ST6GAL1: variants seen among roughly 807,000 people sequenced by gnomAD.
The protein encoded by ST6GAL1 is beta-galactoside alpha-2,6-sialyltransferase 1.
A neutral mutation model predicts 38.0 loss-of-function variants in ST6GAL1; 20 were observed. That is an observed-to-expected ratio of 0.53 (90% CI 0.37 to 0.77). The LOEUF (loss-of-function observed/expected upper bound fraction) is 0.77. Ranked by LOEUF, ST6GAL1 falls within the 30% of genes least tolerant of loss-of-function variation. The pLI, the probability that ST6GAL1 is intolerant of heterozygous loss-of-function variation, is 0.00. For synonymous variants in ST6GAL1, 196 were observed against 188.2 expected, an observed-to-expected ratio of 1.04 and a Z score of -0.34; for missense variants, 432 against 496.4, an observed-to-expected ratio of 0.87 and a Z score of 1.23.
intron 1 of ST6GAL1, among the ~76,000 whole-genome samples, chr3:186,949,636 G>A (rs1413066939): frequency 6.6e-6 from 1 of 152,168 alleles, no homozygotes; most frequent in Admixed American, 6.6e-5. Context: ...CAGTAGGAGG[G>A]CTTGGAGGCA....
At chr3:187,064,244 A>G (rs888108718) in intron 5 of ST6GAL1, among the ~76,000 whole-genome samples, 13 of 152,256 alleles carry the variant, frequency 8.5e-5, no homozygotes, top group African/African-American at 2.7e-4. Flanking sequence ...CCAGGCAGAT[A>G]TTACAACTGG....
At chr3:186,951,068 T>C (rs1293669196) in intron 1 of ST6GAL1, among the ~76,000 whole-genome samples, 1 of 152,210 alleles carries the variant, frequency 6.6e-6, no homozygotes, top group Non-Finnish European at 1.5e-5. Flanking sequence ...ACTCTAATTC[T>C]TTTTTGTTTA....
chr3:187,004,364 A>C (rs561436598), intron 2 of ST6GAL1, among the ~76,000 whole-genome samples: 29 of 152,272 alleles, frequency 1.9e-4, no homozygotes, highest in Non-Finnish European at 4.0e-4. Flanking sequence ...ATGACTAGCA[A>C]GTGGCAGAGC....
At chr3:187,053,696 C>T (rs1718591550) in intron 5 of ST6GAL1, among the ~76,000 whole-genome samples, 1 of 152,198 alleles carries the variant, frequency 6.6e-6, no homozygotes, top group Non-Finnish European at 1.5e-5. Context: ...GTTTCGGTTA[C>T]TGTAGCCTTA....
chr3:187,051,855 G>C (rs956799112), intron 5 of ST6GAL1, among the ~76,000 whole-genome samples: 8 of 152,114 alleles, frequency 5.3e-5, no homozygotes, highest in African/African-American at 1.9e-4. Flanking sequence ...TTTTCAGGTA[G>C]CACATGCCGA....
chr3:187,074,100 G>A (rs1007271550), intron 6 of ST6GAL1, 59 bp from the exon 7 acceptor site: 42 of 1,481,226 alleles, frequency 2.8e-5, no homozygotes, highest in South Asian at 6.8e-5. Flanking sequence ...GATGACTCCT[G>A]GGGGGAGCAG....
At chr3:186,948,149 G>A (rs1440372896) in intron 1 of ST6GAL1, among the ~76,000 whole-genome samples, 2 of 152,198 alleles carry the variant, frequency 1.3e-5, no homozygotes, top group African/African-American at 4.8e-5. Context: ...CGTCGGGATG[G>A]CTGTCAACAG....
chr3:187,006,315 A>G (rs1475229483), intron 2 of ST6GAL1: 1 of 152,126 alleles, frequency 6.6e-6, no homozygotes, highest in African/African-American at 2.4e-5. Context: ...ACCTCATGTA[A>G]TCATGTCCCC....
In ST6GAL1 at chr3:187,065,722, C is replaced by A. The variant is rs140994236; in HGVS notation, c.706-7127C>A. 2.0e-5 allele frequency among the ~76,000 whole-genome samples: 3 copies of A among 152,292 alleles called. No homozygotes were observed. The East Asian group carries it at 5.8e-4, about 29-fold the overall frequency. On this transcript the variant is annotated intron_variant, in intron 5 of 7. Transcript: ENST00000169298. ...TACTTCCTATATGCCTAGCAACAGT[C>A]CACACTGACTGGACTGCAACCAGGA...
intron 2 of ST6GAL1, among the ~76,000 whole-genome samples, chr3:186,964,685 G>A (rs1715042563): frequency 6.6e-6 from 1 of 152,120 alleles, no homozygotes; most frequent in Non-Finnish European, 1.5e-5. Context: ...TGTTAAAAAC[G>A]ATTAAAAACA....
At chr3:187,000,633 T>C (rs1716586908) in intron 2 of ST6GAL1, among the ~76,000 whole-genome samples, 2 of 152,230 alleles carry the variant, frequency 1.3e-5, no homozygotes, top group Middle Eastern at 6.3e-3. Flanking sequence ...TGTTAATGGC[T>C]TCATAGGCAA....
chr3:186,987,136 A>AAG lies in ST6GAL1; in HGVS notation c.-183+23210_-183+23211insAG, dbSNP rs1464480259. The stretch of plus-strand genomic sequence containing the variant: ...GCAGACTGCATAGGAAAGGAAGGAA[A>AAG]GAAAGAAGGAAGGGAGGGAGGGAGG... On this transcript the variant is annotated intron_variant, in intron 2 of 7. Coordinates refer to ENST00000169298, the MANE Select transcript of ST6GAL1 (RefSeq NM_173216.2). Among the ~76,000 whole-genome samples, 603 of 142,176 alleles carry AAG rather than the reference A, an allele frequency of 4.2e-3. 4 individuals carry two copies. Among genetic ancestry groups the AAG allele is most frequent in the Non-Finnish European group, 6.5e-3 (427 of 65,278 alleles). The allele number at this position is 142,176 out of a possible 152,430, so 93.3% of individuals were successfully genotyped here.
At chr3:187,024,546 A>G (rs377680230) in intron 2 of ST6GAL1, 4 of 151,588 alleles carry the variant, frequency 2.6e-5, no homozygotes, top group South Asian at 4.2e-4. Flanking sequence ...TATTTTAACA[A>G]AAAAAGCCTG....
Position 186,937,006 on chromosome 3 carries a change from A to G in ST6GAL1, c.-325+6172A>G, listed in dbSNP as rs564978915. Among the ~76,000 whole-genome samples, 5 of 152,054 alleles carry G rather than the reference A, an allele frequency of 3.3e-5. No individual in the cohort carries two copies. In the East Asian group the frequency reaches 9.6e-4, roughly 29 times the overall value. ...AGGATAATTTGGAAAGTACTGTACAAAAAAACATAGAGAAACAGAAAAAAA... is the reference window on the plus strand; with the variant it reads ...AGGATAATTTGGAAAGTACTGTACAGAAAAACATAGAGAAACAGAAAAAAA... On this transcript the variant is annotated intron_variant, in intron 1 of 7. Transcript: ENST00000169298.
chr3:187,064,545 C>A (rs1200921344), intron 5 of ST6GAL1: 1 of 456,610 alleles, frequency 2.2e-6, no homozygotes, highest in African/African-American at 2.0e-5. Flanking sequence ...TGTGCCAGGG[C>A]TGCGAGGAAG....
chr3:186,970,589 C>T (rs1391768033), intron 2 of ST6GAL1, among the ~76,000 whole-genome samples: 1 of 149,406 alleles, frequency 6.7e-6, no homozygotes, highest in Non-Finnish European at 1.5e-5. Context: ...ACCCTGCCCC[C>T]ACCTCTGTTT....
At chr3:187,054,032 T>A (rs1404357183) in intron 5 of ST6GAL1, among the ~76,000 whole-genome samples, 1 of 152,190 alleles carries the variant, frequency 6.6e-6, no homozygotes, top group Non-Finnish European at 1.5e-5. Flanking sequence ...GTAAGTTGGA[T>A]GCCTAGGTAT....
Position 186,952,865 on chromosome 3 carries a change from T to TTC in ST6GAL1, c.-324-10917_-324-10916dup, listed in dbSNP as rs1714629601. Among the ~76,000 whole-genome samples the TTC allele has an allele frequency of 6.6e-6, 1 of 152,220 alleles. No homozygotes were observed. The highest frequency in any genetic ancestry group is 1.5e-5 in the Non-Finnish European group (1 of 68,034). ...CAAGCCCAAAATCGAACTGCTGCTT[T>TTC]TCTCCCTAAAAGAGCCATCCTCATT... On this transcript the variant is annotated intron_variant, in intron 1 of 7. Coordinates refer to ENST00000169298, the MANE Select transcript of ST6GAL1 (RefSeq NM_173216.2). The surrounding 1 kb of genome is among the most constrained non-coding windows in gnomAD (Gnocchi z 4.1).
At chr3:187,033,841 GCACC>G (rs1717836752) in intron 2 of ST6GAL1, among the ~76,000 whole-genome samples, 1 of 151,778 alleles carries the variant, frequency 6.6e-6, no homozygotes, top group Non-Finnish European at 1.5e-5. Context: ...ACCTAATATT[GCACC>G]CAGAGGAACT....
Sources: allele counts gnomAD v4.1 joint callset (sites outside exome capture counted in the v4.1 genomes callset), GRCh38; gene constraint gnomAD v4.1.1; non-coding constraint Gnocchi (gnomAD v3.1); transcripts MANE v1.5; gene names NCBI Gene and HGNC (gene_info 2026-07-23, HGNC 2026-07-21).